Variants in FASTKD2 observed in about 807,000 individuals in gnomAD.
FASTKD2 encodes the protein FAST kinase domains 2.
FASTKD2 carries 51 observed loss-of-function variants against 63.6 expected under a neutral mutation model. The observed-to-expected ratio is 0.80, with a 90% CI of 0.64 to 1.01. FASTKD2 has a LOEUF of 1.01. FASTKD2 is among the 50% of genes least tolerant of loss of function. FASTKD2 has a pLI of 0.00. For synonymous variants in FASTKD2, 284 were observed against 293.4 expected (o/e 0.97, Z 0.33); for missense variants, 786 against 831.1 (o/e 0.95, Z 0.67).
chr2:206,773,183 C>T (rs1460635449), intron 6 of FASTKD2, among the ~76,000 whole-genome samples: 2 of 151,962 alleles, frequency 1.3e-5, no homozygotes, highest in East Asian at 3.9e-4. Flanking sequence ...GGCATGGTGA[C>T]GTGTCCCTGT....
rs149228072 is a variant in FASTKD2 at position 206,793,887 on chromosome 2, G to C, written c.*2085G>C. Among the ~76,000 whole-genome samples, 25 of 152,302 alleles carry C rather than the reference G, an allele frequency of 1.6e-4. No homozygotes were observed. The highest frequency in any genetic ancestry group is 1.3e-3 in the Admixed American group (20 of 15,304). The stretch of plus-strand genomic sequence containing the variant: ...CATGCACATTGAAACAGAAGAGATG[G>C]TTTTGCCTTTCAAATTAGCAGTTTT... On this transcript the variant is annotated 3_prime_UTR_variant, in exon 12 of 12. Transcript: ENST00000402774.
At chr2:206,778,343 G>T (rs1375521091) in intron 7 of FASTKD2, among the ~76,000 whole-genome samples, 1 of 151,302 alleles carries the variant, frequency 6.6e-6, no homozygotes, top group African/African-American at 2.4e-5. Context: ...GGTATGTTGT[G>T]TTTTCAATTT....
In FASTKD2 at chr2:206,796,052, A is replaced by G. The variant is rs1192887191; in HGVS notation, c.*4250A>G. Among the ~76,000 whole-genome samples the G allele has an allele frequency of 1.3e-5, 2 of 152,232 alleles. No homozygotes were observed. Among genetic ancestry groups the G allele is most frequent in the African/African-American group, 4.8e-5 (2 of 41,454 alleles). ...AGGCTTCTGTGCATGGCCAGAAACTAACAAAAGCACATTGTGTCTAAACTA... is the reference window on the plus strand; with the variant it reads ...AGGCTTCTGTGCATGGCCAGAAACTGACAAAAGCACATTGTGTCTAAACTA... On this transcript the variant is annotated 3_prime_UTR_variant, in exon 12 of 12. Coordinates refer to ENST00000402774, the MANE Select transcript of FASTKD2 (RefSeq NM_001136193.2).
At chr2:206,768,111 C>T (rs1422848773) in intron 2 of FASTKD2, among the ~76,000 whole-genome samples, 1 of 152,176 alleles carries the variant, frequency 6.6e-6, no homozygotes, top group Non-Finnish European at 1.5e-5. Context: ...TAAAGAGCCT[C>T]TTACGGCTAG....
At chr2:206,786,572 C>T (rs1006276811) in intron 7 of FASTKD2, 161 bp from the exon 8 acceptor site, 6 of 696,302 alleles carry the variant, frequency 8.6e-6, no homozygotes, top group Non-Finnish European at 1.6e-5. Context: ...CAATAGCCAA[C>T]ATTTATTGAA....
Position 206,791,711 on chromosome 2 carries a change from A to C in FASTKD2, c.2042A>C (p.Glu681Ala). The C allele has an allele frequency of 1.2e-6, 2 of 1,612,192 alleles. No homozygotes were observed. Among genetic ancestry groups the C allele is most frequent in the East Asian group, 4.5e-5 (2 of 44,796 alleles). Residue 681 changes from glutamate to alanine, a missense_variant, in exon 12 of 12, where the codon GAG becomes GCG. Physicochemically the swap from Glu to Ala is moderately radical, Grantham distance 107 (BLOSUM62 -1). Coordinates refer to ENST00000402774, the MANE Select transcript of FASTKD2 (RefSeq NM_001136193.2). ...AATAACTGGGAGATGGACAAACTAG[A>C]GATGGAAGATGCAGTCACATTTTTG... ...LVNNWEMDKL[E>A]MEDAVTFLKT...
chr2:206,767,567 A>G, intron 2 of FASTKD2, 97 bp downstream of exon 2: 2 of 917,372 alleles, frequency 2.2e-6, no homozygotes, highest in Non-Finnish European at 1.7e-6. Flanking sequence ...AAAAGAGACT[A>G]TCAAATGGAA....
At chr2:206,777,666 C>T (rs1428383015) in intron 7 of FASTKD2, among the ~76,000 whole-genome samples, 3 of 152,272 alleles carry the variant, frequency 2.0e-5, no homozygotes, top group East Asian at 3.9e-4. Context: ...ATGCTGGCCT[C>T]ATAAAATGAG....
chr2:206,771,354 A>G, intron 4 of FASTKD2, 64 bp downstream of exon 4: 1 of 970,034 alleles, frequency 1.0e-6, no homozygotes, highest in South Asian at 1.3e-5. Flanking sequence ...ACCTGCTATC[A>G]CTGCCTGAAG....
In FASTKD2 at chr2:206,795,180, G is replaced by A. The variant is rs1690411832; in HGVS notation, c.*3378G>A. On this transcript the variant is annotated 3_prime_UTR_variant, in exon 12 of 12. Transcript: ENST00000402774. ...TGCGCTGACTTGTAGGGAGACCTAG[G>A]TGTGGAGCTTCCTGGCCAGGAGGGC... Among the ~76,000 whole-genome samples, 1 of 152,244 alleles carries A rather than the reference G, an allele frequency of 6.6e-6. No individual in the cohort carries two copies. Among genetic ancestry groups the A allele is most frequent in the Non-Finnish European group, 1.5e-5 (1 of 68,044 alleles).
At chr2:206,768,645 A>T (rs972967657) in intron 2 of FASTKD2, among the ~76,000 whole-genome samples, 3 of 152,214 alleles carry the variant, frequency 2.0e-5, no homozygotes, top group Admixed American at 2.0e-4. Context: ...AGCTGCCGTG[A>T]GCCATGATCG....
rs1574675438 is a variant in FASTKD2 at position 206,788,645 on chromosome 2, G to A, written c.1814-174G>A. ...AGCTACTCAACAGGGTGGGGTAAAAGGATTGCTTGAACCTGGGAAGTTGCT... is the reference window on the plus strand; with the variant it reads ...AGCTACTCAACAGGGTGGGGTAAAAAGATTGCTTGAACCTGGGAAGTTGCT... On this transcript the variant is annotated intron_variant, in intron 9 of 11. Coordinates refer to ENST00000402774, the MANE Select transcript of FASTKD2 (RefSeq NM_001136193.2). Among the ~76,000 whole-genome samples, 4 of 150,616 alleles carry A rather than the reference G, an allele frequency of 2.7e-5. No individual in the cohort carries two copies. The South Asian group carries it at 8.4e-4, about 32-fold the overall frequency.
chr2:206,790,579 G>A lies in FASTKD2; in HGVS notation c.1906G>A (p.Val636Met). The change falls in exon 11 of 12, where the codon GTG becomes ATG. Residue 636 changes from valine to methionine, a missense_variant. By Grantham distance (21) the Val-to-Met change is conservative. Transcript: ENST00000402774. Reference protein sequence around the residue: ...TSATDIQRVAVLCVSRSAYCL... With the variant: ...TSATDIQRVAMLCVSRSAYCL... The stretch of plus-strand genomic sequence containing the variant: ...GTTTATTTTTGTTTTCAGAGTAGCT[G>A]TGCTATGTGTTTCCAGATCTGCTTA... The A allele has an allele frequency of 1.3e-6, 2 of 1,588,772 alleles. No individual in the cohort carries two copies. The highest frequency in any genetic ancestry group is 2.2e-5 in the East Asian group (1 of 44,750).
In FASTKD2 at chr2:206,795,576, A is replaced by G. The variant is rs1288987554; in HGVS notation, c.*3774A>G. Among the ~76,000 whole-genome samples, 1 of 152,130 alleles carries G rather than the reference A, an allele frequency of 6.6e-6. No homozygotes were observed. The highest frequency in any genetic ancestry group is 2.4e-5 in the African/African-American group (1 of 41,436). On this transcript the variant is annotated 3_prime_UTR_variant, in exon 12 of 12. Coordinates refer to ENST00000402774, the MANE Select transcript of FASTKD2 (RefSeq NM_001136193.2). ...ACACACTTGTAACCCATTTGTGCAC[A>G]CAGGTGTGCCGTGACTCACTGGTGG... is the stretch of plus-strand genomic sequence containing the variant.
At position 206,767,043 on chromosome 2, in the gene FASTKD2, A is replaced by G; in HGVS notation, c.350A>G (p.Lys117Arg). 1.2e-6 allele frequency: 2 copies of G among 1,614,034 alleles called. No homozygotes were observed. Among genetic ancestry groups the G allele is most frequent in the Non-Finnish European group, 1.7e-6 (2 of 1,179,914 alleles). Reference protein sequence around the residue: ...LYAKRLFFDSKQSLVPVDKSD... With the variant: ...LYAKRLFFDSRQSLVPVDKSD... Reference sequence around the variant, plus strand: ...GCTAAAAGACTGTTTTTTGACTCAAAGCAGTCTCTTGTCCCTGTTGATAAA... The same window carrying G: ...GCTAAAAGACTGTTTTTTGACTCAAGGCAGTCTCTTGTCCCTGTTGATAAA... The change falls in exon 2 of 12, where the codon AAG (lysine) becomes AGG (arginine). Residue 117 changes from lysine to arginine, a missense_variant. Transcript: ENST00000402774.
intron 2 of FASTKD2, among the ~76,000 whole-genome samples, chr2:206,768,451 A>G (rs1337608544): frequency 6.6e-6 from 1 of 152,206 alleles, no homozygotes; most frequent in Non-Finnish European, 1.5e-5. Flanking sequence ...CTGTAATCCC[A>G]GCACTTTGGG....
rs191908674 is a variant in FASTKD2, at chr2:206,772,328, C to T, written c.1254+8C>T. On this transcript the variant is annotated splice_region_variant and intron_variant, in intron 6 of 11. Transcript: ENST00000402774. ...ATCTGGAAGTTCAGAAAAGTGAGTA[C>T]ATTAACAATTTAGAATAAGCCTCAC... 48 of 1,613,058 alleles carry T rather than the reference C, an allele frequency of 3.0e-5. No individual in the cohort carries two copies. Among genetic ancestry groups the T allele is most frequent in the East Asian group, 1.8e-4 (8 of 44,842 alleles).
intron 2 of FASTKD2, 34 bp downstream of exon 2, chr2:206,767,504 C>T (rs370068438): frequency 7.8e-6 from 12 of 1,546,518 alleles, no homozygotes; most frequent in Non-Finnish European, 1.1e-5. Flanking sequence ...CATGCATTTA[C>T]TTGATTTAGA....
Position 206,786,790 on chromosome 2 carries a change from T to C in FASTKD2, c.1485T>C (p.Ser495=), listed in dbSNP as rs1690148860. The change falls in exon 8 of 12, where the codon TCT becomes TCC. Residue 495 remains serine, a synonymous_variant. Coordinates refer to ENST00000402774, the MANE Select transcript of FASTKD2 (RefSeq NM_001136193.2). ...CTGGTTATCTTCACACTATTTCTTC[T>C]GAAAACTTATTGGATGCAGTATATT... is the stretch of plus-strand genomic sequence containing the variant. ...ALTGYLHTIS[S]ENLLDAVYSF... is the part of the protein sequence containing the mutation. 2 of 1,613,808 alleles carry C rather than the reference T, an allele frequency of 1.2e-6. No homozygotes were observed. The highest frequency in any genetic ancestry group is 1.7e-6 in the Non-Finnish European group (2 of 1,179,682).
Sources: gnomAD v4.1 joint callset for allele counts (sites outside exome capture counted in the v4.1 genomes callset) on GRCh38, gnomAD v4.1.1 for gene constraint, MANE v1.5 for transcripts, NCBI Gene and HGNC (gene_info 2026-07-23, HGNC 2026-07-21) for gene names.